The following TENM2 variants were observed in gnomAD, a reference collection of about 807,000 sequenced individuals.
TENM2 encodes the protein teneurin-2.
Under a neutral mutation model 245.2 loss-of-function variants are expected in TENM2, and 52 were observed. The observed-to-expected ratio is 0.21, with a 90% confidence interval of 0.17 to 0.27. The LOEUF is 0.27. Ranked by LOEUF, TENM2 falls within the 10% of genes least tolerant of loss-of-function variation. The pLI is 1.00. For missense variants in TENM2, 3,046 were observed against 3,666.8 expected (o/e 0.83, Z 4.37); for synonymous variants, 1,363 against 1,438.9 (o/e 0.95, Z 1.19).
chr5:167,932,114 G>C (rs914435317), intron 3 of TENM2, among the ~76,000 whole-genome samples: 26 of 152,212 alleles, frequency 1.7e-4, no homozygotes, highest in South Asian at 4.1e-4. Context: ...GGTGCAGGAG[G>C]GGGAGAGAGT....
chr5:167,115,929 A>G, the TENM2 span, among the ~76,000 whole-genome samples: 1 of 152,142 alleles, frequency 6.6e-6, no homozygotes, highest in African/African-American at 2.4e-5. Flanking sequence ...ATTTTGAGGG[A>G]GTCCTTCAGC....
At chr5:167,554,458 G>T (rs1414421661) in intron 2 of TENM2, among the ~76,000 whole-genome samples, 5 of 152,194 alleles carry the variant, frequency 3.3e-5, no homozygotes. Context: ...GAGTCCAATG[G>T]CAAAGGAGAT....
intron 4 of TENM2, among the ~76,000 whole-genome samples, chr5:167,954,854 A>G (rs1395135627): frequency 6.6e-6 from 1 of 152,134 alleles, no homozygotes; most frequent in African/African-American, 2.4e-5. Context: ...CATTTTCTTT[A>G]TCCAGTCTAT....
intron 20 of TENM2, chr5:168,214,782 G>T: frequency 3.5e-6 from 2 of 568,112 alleles, no homozygotes; most frequent in South Asian, 3.0e-5. Flanking sequence ...TCTCGTACTG[G>T]CTAAATGAAG....
At chr5:167,361,610 A>G (rs1759723717) in intron 1 of TENM2, among the ~76,000 whole-genome samples, 1 of 152,156 alleles carries the variant, frequency 6.6e-6, no homozygotes. Context: ...TTTTCAGGAG[A>G]CTTTTTTCAT....
At chr5:167,681,765 T>C (rs1756724453) in intron 2 of TENM2, among the ~76,000 whole-genome samples, 2 of 152,120 alleles carry the variant, frequency 1.3e-5, no homozygotes, top group South Asian at 4.1e-4. Context: ...AGTGTAGGAG[T>C]ACCCAGTTTT....
chr5:167,515,166 G>C (rs1417845398), intron 2 of TENM2, among the ~76,000 whole-genome samples: 1 of 152,076 alleles, frequency 6.6e-6, no homozygotes, highest in African/African-American at 2.4e-5. Flanking sequence ...TAATCTGATA[G>C]ATAATGTCAT....
intron 4 of TENM2, among the ~76,000 whole-genome samples, chr5:167,986,701 C>G (rs769765332): frequency 2.2e-4 from 33 of 152,084 alleles, no homozygotes; most frequent in Admixed American, 3.3e-4. Context: ...GCCTGGAGTC[C>G]CGAGCTGAGC....
the TENM2 span, among the ~76,000 whole-genome samples, chr5:167,140,090 C>A: frequency 6.6e-6 from 1 of 152,094 alleles, no homozygotes; most frequent in Non-Finnish European, 1.5e-5. Context: ...GAACACAATT[C>A]TAATTCCAAT....
intron 2 of TENM2, among the ~76,000 whole-genome samples, chr5:167,567,776 G>A (rs1774003107): frequency 6.6e-6 from 1 of 152,042 alleles, no homozygotes; most frequent in Admixed American, 6.6e-5. Context: ...AATAAATTAT[G>A]CACTTTTACA....
chr5:167,370,452 GTTATT>G (rs1221998278), intron 1 of TENM2, among the ~76,000 whole-genome samples: 1 of 149,560 alleles, frequency 6.7e-6, no homozygotes, highest in Non-Finnish European at 1.5e-5. Flanking sequence ...TATCAAGAGA[GTTATT>G]TTAAGACTTG....
At chr5:167,526,360 GCA>G (rs72349867) in intron 2 of TENM2, among the ~76,000 whole-genome samples, 5,390 of 144,058 alleles carry the variant, frequency 0.037, 140 homozygotes, top group Non-Finnish European at 0.053. Flanking sequence ...TTAAGAAATA[GCA>G]CACACACACA....
At chr5:167,353,487 TG>T (rs572737940) in intron 1 of TENM2, among the ~76,000 whole-genome samples, 2,151 of 18,278 alleles carry the variant, frequency 0.12, 32 homozygotes, top group South Asian at 0.2. Context: ...TGGTGTTTTT[TG>T]TTGTTGTTGT....
chr5:168,165,720 G>A (rs1758225190), intron 13 of TENM2: 1 of 131,086 alleles, frequency 7.6e-6, no homozygotes, highest in Non-Finnish European at 1.5e-5. Flanking sequence ...TGAGGCAGTG[G>A]TGATTATGCT....
At chr5:167,093,561 T>G in the TENM2 span, among the ~76,000 whole-genome samples, 1 of 152,174 alleles carries the variant, frequency 6.6e-6, no homozygotes, top group Non-Finnish European at 1.5e-5. Flanking sequence ...ACAGCATATG[T>G]CACTAGTTTT....
chr5:167,850,764 A>G (rs1770503767), intron 2 of TENM2, among the ~76,000 whole-genome samples: 1 of 152,180 alleles, frequency 6.6e-6, no homozygotes, highest in Admixed American at 6.5e-5. Context: ...GGGCTGTGAC[A>G]AGAAGGAAAG....
chr5:167,163,120 A>T, the TENM2 span, among the ~76,000 whole-genome samples: 2 of 152,138 alleles, frequency 1.3e-5, no homozygotes, highest in Admixed American at 1.3e-4. Flanking sequence ...TATTCTTCAG[A>T]GGTGGGGGGT....
intron 2 of TENM2, among the ~76,000 whole-genome samples, chr5:167,589,325 C>T (rs1775722164): frequency 6.6e-6 from 1 of 152,054 alleles, no homozygotes; most frequent in Admixed American, 6.6e-5. Flanking sequence ...GCATGATACA[C>T]AAATTATTTA....
At chr5:167,406,853 G>T (rs1581957195) in intron 2 of TENM2, among the ~76,000 whole-genome samples, 2 of 152,038 alleles carry the variant, frequency 1.3e-5, no homozygotes, top group African/African-American at 4.8e-5. Flanking sequence ...TATGTGTCAT[G>T]GTGGTGTCAT....
Sources: gnomAD v4.1 joint callset for allele counts (sites outside exome capture counted in the v4.1 genomes callset) on GRCh38, gnomAD v4.1.1 for gene constraint, MANE v1.5 for transcripts, NCBI Gene and HGNC (gene_info 2026-07-23, HGNC 2026-07-21) for gene names.